ONECUT2: variants seen among roughly 807,000 people sequenced by gnomAD.
The protein encoded by ONECUT2 is one cut domain family member 2.
In ONECUT2, 10 loss-of-function variants were observed where a neutral mutation model predicts 27.9. That is an observed-to-expected ratio of 0.36 (90% CI 0.22 to 0.61). The LOEUF is 0.61. ONECUT2 is among the 20% of genes least tolerant of loss of function. The pLI, the probability that ONECUT2 is intolerant of heterozygous loss-of-function variation, is 0.73. For missense variants in ONECUT2, 686 were observed against 721.0 expected (o/e 0.95, Z 0.56); for synonymous variants, 334 against 315.1 (o/e 1.06, Z -0.64).
At chr18:57,449,770 T>C (rs2050220059) in intron 1 of ONECUT2, among the ~76,000 whole-genome samples, 1 of 152,252 alleles carries the variant, frequency 6.6e-6, no homozygotes, top group Non-Finnish European at 1.5e-5. Flanking sequence ...ATCTCATCAG[T>C]CCTTCTCCAG....
chr18:57,440,642 C>T (rs2050168952), intron 1 of ONECUT2, among the ~76,000 whole-genome samples: 1 of 152,236 alleles, frequency 6.6e-6, no homozygotes. Flanking sequence ...CCCGCAGCGG[C>T]GGGACACGGC....
intron 1 of ONECUT2, among the ~76,000 whole-genome samples, chr18:57,445,042 G>A (rs2050194206): frequency 6.6e-6 from 1 of 152,132 alleles, no homozygotes; most frequent in African/African-American, 2.4e-5. Context: ...TATGAGAAAA[G>A]AAAATCTGTT....
intron 1 of ONECUT2, among the ~76,000 whole-genome samples, chr18:57,457,913 G>C (rs2050269000): frequency 6.6e-6 from 1 of 152,062 alleles, no homozygotes; most frequent in Admixed American, 6.6e-5. Flanking sequence ...GTAGGTGGGA[G>C]TTGAACAATG....
rs1420852443 is a variant in ONECUT2 at position 57,479,348 on chromosome 18, T to C, written c.*2625T>C. 2.0e-5 allele frequency: 3 copies of C among 152,604 alleles called. No individual in the cohort carries two copies. The highest frequency in any genetic ancestry group is 4.4e-5 in the Non-Finnish European group (3 of 68,038). The allele number at this position is 152,604 out of a possible 1,614,324, so 9.5% of individuals were successfully genotyped here. A position where few individuals can be genotyped will look rare whatever the true frequency, so the allele number is the denominator to read the frequency against. On this transcript the variant is annotated 3_prime_UTR_variant, in exon 2 of 2. Transcript: ENST00000491143. The stretch of plus-strand genomic sequence containing the variant: ...CATTTCTAAAGAAAGATATATATAA[T>C]ATATAAAATACATATATAGATCAAC...
At chr18:57,438,445 C>G (rs1359532429) in intron 1 of ONECUT2, among the ~76,000 whole-genome samples, 1 of 152,232 alleles carries the variant, frequency 6.6e-6, no homozygotes, top group Non-Finnish European at 1.5e-5. Context: ...GAGCTGCGAG[C>G]TCAGGTTTCC....
At chr18:57,457,768 TACAC>T (rs1248705783) in intron 1 of ONECUT2, among the ~76,000 whole-genome samples, 3 of 152,158 alleles carry the variant, frequency 2.0e-5, no homozygotes, top group Non-Finnish European at 1.5e-5. Context: ...GTGACACATA[TACAC>T]CATGGAATAC....
intron 1 of ONECUT2, among the ~76,000 whole-genome samples, chr18:57,474,321 G>A (rs779417968): frequency 7.9e-5 from 12 of 152,128 alleles, no homozygotes; most frequent in Non-Finnish European, 1.5e-4. Flanking sequence ...CAGCTTCCAA[G>A]TATCTTTCCC....
chr18:57,459,951 C>T (rs1320179560), intron 1 of ONECUT2, among the ~76,000 whole-genome samples: 1 of 151,996 alleles, frequency 6.6e-6, no homozygotes, highest in Non-Finnish European at 1.5e-5. Flanking sequence ...GAGGCAGGAT[C>T]TCACTCTGTT....
At chr18:57,438,503 G>C (rs903383452) in intron 1 of ONECUT2, among the ~76,000 whole-genome samples, 1 of 152,226 alleles carries the variant, frequency 6.6e-6, no homozygotes, top group Non-Finnish European at 1.5e-5. Context: ...CCAGCTTGTG[G>C]GGTGCACTCG....
rs1047214870 is a variant in ONECUT2, at chr18:57,488,795, G to C, written c.*12072G>C. The stretch of plus-strand genomic sequence containing the variant: ...TCTTGGGGAAACATGGGCCTGGCCT[G>C]GGAAAAGGCAGGTCATGGGCTGGAA... On this transcript the variant is annotated 3_prime_UTR_variant, in exon 2 of 2. Transcript: ENST00000491143. 4 of 152,580 alleles carry C rather than the reference G, an allele frequency of 2.6e-5. No homozygotes were observed. Among genetic ancestry groups the C allele is most frequent in the African/African-American group, 9.7e-5 (4 of 41,444 alleles). 9.5% of individuals were successfully genotyped at this position (152,580 alleles called of 1,614,324 possible).
Position 57,458,865 on chromosome 18 carries a change from T to C in ONECUT2, c.1229-17572T>C, listed in dbSNP as rs189832885. On this transcript the variant is annotated intron_variant, in intron 1 of 1. Coordinates refer to ENST00000491143, the MANE Select transcript of ONECUT2 (RefSeq NM_004852.3). ...GAGAGAGCTCCTATTTCCCTGACAC[T>C]TGCCAGAAGTTAATATATTAGCCAT... Among the ~76,000 whole-genome samples the C allele has an allele frequency of 2.6e-5, 4 of 152,352 alleles. No individual in the cohort carries two copies. The East Asian group carries it at 7.7e-4, about 29-fold the overall frequency.
chr18:57,478,841 G>A lies in ONECUT2; in HGVS notation c.*2118G>A, dbSNP rs660948. On this transcript the variant is annotated 3_prime_UTR_variant, in exon 2 of 2. Coordinates refer to ENST00000491143, the MANE Select transcript of ONECUT2 (RefSeq NM_004852.3). ...AAAATACTAATAGCGCCATTGAACT[G>A]TATAAAGGTAATCAATTATGTTTCT... 1.4e-4 allele frequency: 21 copies of A among 151,820 alleles called. No individual in the cohort carries two copies. Among genetic ancestry groups the A allele is most frequent in the African/African-American group, 4.9e-4 (20 of 41,148 alleles). 9.4% of individuals were successfully genotyped at this position (151,820 alleles called of 1,614,324 possible).
At chr18:57,473,884 T>C (rs1436529333) in intron 1 of ONECUT2, among the ~76,000 whole-genome samples, 1 of 152,184 alleles carries the variant, frequency 6.6e-6, no homozygotes, top group Non-Finnish European at 1.5e-5. Context: ...AACAAAAATA[T>C]GCAGTCTTCA....
At chr18:57,473,025 G>A (rs77609999) in intron 1 of ONECUT2, among the ~76,000 whole-genome samples, 1,713 of 152,284 alleles carry the variant, frequency 0.011, 32 homozygotes, top group African/African-American at 0.04. Context: ...GGTCAGGGAC[G>A]GTTGTCCAGG....
Position 57,436,303 on chromosome 18 carries a change from C to T in ONECUT2, c.587C>T (p.Thr196Ile), listed in dbSNP as rs754354750. ...TCCGGCAACGTCAGCGGCAGCTTCA[C>T]CCTCATGCGCGACGAGCGCGGGCTC... ...RLSGNVSGSF[T>I]LMRDERGLPA... The change falls in exon 1 of 2, where the codon ACC (threonine) becomes ATC (isoleucine). Residue 196 changes from threonine to isoleucine, a missense_variant. Transcript: ENST00000491143. This position sits in a 1 kb window ranked among gnomAD's most constrained non-coding sequence, Gnocchi z 5.9. The T allele has an allele frequency of 6.2e-7, 1 of 1,604,106 alleles. No individual in the cohort carries two copies. The highest frequency in any genetic ancestry group is 2.2e-5 in the East Asian group (1 of 44,818).
chr18:57,452,216 C>T (rs899233166), intron 1 of ONECUT2, among the ~76,000 whole-genome samples: 35 of 152,252 alleles, frequency 2.3e-4, no homozygotes, highest in African/African-American at 6.7e-4. Flanking sequence ...TTGATCTTCT[C>T]GACTAGATCA....
chr18:57,465,887 C>T (rs2050318493), intron 1 of ONECUT2, among the ~76,000 whole-genome samples: 1 of 152,108 alleles, frequency 6.6e-6, no homozygotes, highest in South Asian at 2.1e-4. Flanking sequence ...TGTTGTGTGG[C>T]CCTGCTGAAC....
rs1399119142 is a variant in ONECUT2, at chr18:57,481,605, C to A, written c.*4882C>A. 2 of 152,160 alleles carry A rather than the reference C, an allele frequency of 1.3e-5. No individual in the cohort carries two copies. The highest frequency in any genetic ancestry group is 1.3e-4 in the Admixed American group (2 of 15,268). 9.4% of individuals were successfully genotyped at this position (152,160 alleles called of 1,614,324 possible). A position where few individuals can be genotyped will look rare whatever the true frequency, so the allele number is the denominator to read the frequency against. On this transcript the variant is annotated 3_prime_UTR_variant, in exon 2 of 2. Transcript: ENST00000491143. ...TATTATCTGGGTATGGGGGAAACTT[C>A]CCCACTTTTGAAAATGTTGGTAGAA...
rs373069956 is a variant in ONECUT2 at position 57,455,870 on chromosome 18, G to A, written c.1228+18926G>A. ...TAACATCTTCTAGAACTTGGGTAAG[G>A]ACAGTATAGAGTAAAATCTGCCCTG... On this transcript the variant is annotated intron_variant, in intron 1 of 1. Coordinates refer to ENST00000491143, the MANE Select transcript of ONECUT2 (RefSeq NM_004852.3). 3.3e-4 allele frequency among the ~76,000 whole-genome samples: 50 copies of A among 152,270 alleles called. No homozygotes were observed. In the South Asian group the frequency reaches 0.01, roughly 31 times the overall value.
Sources: gnomAD v4.1 joint callset for allele counts (sites outside exome capture counted in the v4.1 genomes callset) on GRCh38, gnomAD v4.1.1 for gene constraint, Gnocchi (gnomAD v3.1) non-coding constraint, MANE v1.5 for transcripts, NCBI Gene and HGNC (gene_info 2026-07-23, HGNC 2026-07-21) for gene names.